The following LRRC4C variants were observed in gnomAD, a reference collection of about 807,000 sequenced individuals.
LRRC4C encodes the protein leucine rich repeat containing 4C.
LRRC4C carries 5 observed loss-of-function variants against 33.6 expected under a neutral mutation model. The observed-to-expected ratio is 0.15, with a 90% CI of 0.08 to 0.31. The LOEUF (loss-of-function observed/expected upper bound fraction) is 0.31. Ranked by LOEUF, LRRC4C falls within the 10% of genes least tolerant of loss-of-function variation. The pLI is 1.00. For missense variants in LRRC4C, 560 were observed against 796.7 expected (o/e 0.70, Z 3.58); for synonymous variants, 329 against 302.0 (o/e 1.09, Z -0.93).
chr11:40,871,824 G>A (rs1954665285), intron 2 of LRRC4C, among the ~76,000 whole-genome samples: 1 of 152,074 alleles, frequency 6.6e-6, no homozygotes, highest in African/African-American at 2.4e-5. Flanking sequence ...ACATGACCTG[G>A]GGATGGAGAA....
At chr11:40,316,993 AT>A (rs1234315443) in intron 4 of LRRC4C, among the ~76,000 whole-genome samples, 2 of 151,982 alleles carry the variant, frequency 1.3e-5, no homozygotes, top group African/African-American at 2.4e-5. Context: ...GAAAACTGGG[AT>A]TTACTCATTC....
chr11:40,236,543 TG>T (rs1865571707), intron 5 of LRRC4C, among the ~76,000 whole-genome samples: 1 of 152,140 alleles, frequency 6.6e-6, no homozygotes, highest in Admixed American at 6.6e-5. Context: ...CACAGTTAGG[TG>T]GGGCCAGATG....
At position 40,865,900 on chromosome 11, in the gene LRRC4C, G is replaced by A. The variant is rs113344665; in HGVS notation, c.-407+67735C>T. On this transcript the variant is annotated intron_variant, in intron 2 of 6. Transcript: ENST00000528697. Reference sequence around the variant, plus strand: ...TATTAATAACATAAGCACTTTTCCCGAAGAGTGAAAACTATGTTCAATATG... The same window carrying A: ...TATTAATAACATAAGCACTTTTCCCAAAGAGTGAAAACTATGTTCAATATG... Among the ~76,000 whole-genome samples the A allele has an allele frequency of 2.2e-3, 335 of 151,388 alleles. 3 individuals are homozygous for A. The highest frequency in any genetic ancestry group is 7.6e-3 in the African/African-American group (312 of 41,302).
chr11:40,159,790 T>C (rs183818846), intron 5 of LRRC4C, among the ~76,000 whole-genome samples: 1 of 152,274 alleles, frequency 6.6e-6, no homozygotes, highest in Admixed American at 6.5e-5. Flanking sequence ...GAAATTACAT[T>C]ATATGTTTAT....
At chr11:41,027,826 TGA>T (rs1018185664) in intron 1 of LRRC4C, among the ~76,000 whole-genome samples, 3 of 151,728 alleles carry the variant, frequency 2.0e-5, no homozygotes, top group African/African-American at 7.2e-5. Context: ...CAATTGCTCT[TGA>T]GAGAGAGTTC....
At chr11:41,183,388 G>A (rs1425608443) in intron 1 of LRRC4C, among the ~76,000 whole-genome samples, 1 of 152,096 alleles carries the variant, frequency 6.6e-6, no homozygotes, top group African/African-American at 2.4e-5. Context: ...GTGGGGCATT[G>A]GGTAAATACA....
At chr11:40,194,597 A>T (rs2135657117) in intron 5 of LRRC4C, among the ~76,000 whole-genome samples, 1 of 146,824 alleles carries the variant, frequency 6.8e-6, no homozygotes, top group Admixed American at 6.8e-5. Context: ...AGTGGGGGGA[A>T]CATCACACAC....
At chr11:40,740,937 T>C (rs1043506717) in intron 2 of LRRC4C, among the ~76,000 whole-genome samples, 4 of 152,070 alleles carry the variant, frequency 2.6e-5, no homozygotes, top group African/African-American at 7.2e-5. Context: ...ACTGTAAAAG[T>C]ATGGATTTAT....
chr11:40,474,131 G>A (rs1020444765), intron 3 of LRRC4C, among the ~76,000 whole-genome samples: 1 of 152,082 alleles, frequency 6.6e-6, no homozygotes, highest in Non-Finnish European at 1.5e-5. Context: ...ACCAAGAAGT[G>A]CCCATATAGC....
intron 3 of LRRC4C, among the ~76,000 whole-genome samples, chr11:40,436,449 T>A (rs1188707178): frequency 6.6e-6 from 1 of 152,108 alleles, no homozygotes; most frequent in Non-Finnish European, 1.5e-5. Flanking sequence ...AAAGGCAAAT[T>A]TCCTGGCCAG....
At chr11:40,911,104 G>T (rs1373915555) in intron 2 of LRRC4C, among the ~76,000 whole-genome samples, 1 of 152,200 alleles carries the variant, frequency 6.6e-6, no homozygotes, top group Non-Finnish European at 1.5e-5. Flanking sequence ...TGCCTCTGTA[G>T]ACTCCACCTC....
intron 3 of LRRC4C, among the ~76,000 whole-genome samples, chr11:40,612,423 G>C (rs1457624115): frequency 6.6e-6 from 1 of 151,822 alleles, no homozygotes; most frequent in Non-Finnish European, 1.5e-5. Context: ...AATGGGTACA[G>C]AATTTCAGTC....
At chr11:40,939,004 A>G (rs1372771793) in intron 1 of LRRC4C, among the ~76,000 whole-genome samples, 1 of 152,116 alleles carries the variant, frequency 6.6e-6, no homozygotes, top group African/African-American at 2.4e-5. Flanking sequence ...ATATAATTAT[A>G]AAATGTTATA....
intron 2 of LRRC4C, among the ~76,000 whole-genome samples, chr11:40,670,839 C>T (rs918016592): frequency 6.6e-6 from 1 of 152,200 alleles, no homozygotes; most frequent in African/African-American, 2.4e-5. Flanking sequence ...CCTCGGCTCA[C>T]TGCAAGCTCC....
chr11:40,264,834 C>T (rs905415186), intron 4 of LRRC4C, among the ~76,000 whole-genome samples: 4 of 152,170 alleles, frequency 2.6e-5, no homozygotes, highest in African/African-American at 9.7e-5. Flanking sequence ...CTCCAGTCTG[C>T]CCATCTCTTT....
At chr11:40,553,747 G>A (rs978226535) in intron 3 of LRRC4C, among the ~76,000 whole-genome samples, 2 of 152,026 alleles carry the variant, frequency 1.3e-5, no homozygotes, top group Non-Finnish European at 2.9e-5. Flanking sequence ...TTAAGTATCC[G>A]TTTATGTCCT....
chr11:40,451,260 T>G (rs1951869649), intron 3 of LRRC4C, among the ~76,000 whole-genome samples: 1 of 150,808 alleles, frequency 6.6e-6, no homozygotes, highest in South Asian at 2.1e-4. Context: ...AGAAAAAAAT[T>G]GATAAGCCTT....
In LRRC4C at chr11:40,303,359, C is replaced by T. The variant is rs145158244; in HGVS notation, c.-176+16269G>A. 1.4e-3 allele frequency among the ~76,000 whole-genome samples: 208 copies of T among 152,204 alleles called. 1 individual carries two copies. Among genetic ancestry groups the T allele is most frequent in the African/African-American group, 4.7e-3 (195 of 41,546 alleles). ...TTCTATTTGGAGGCCATGCATAACT[C>T]TCAATCAATATAATGAAGTACTCCC... is the stretch of plus-strand genomic sequence containing the variant. On this transcript the variant is annotated intron_variant, in intron 4 of 6. Transcript: ENST00000528697.
intron 2 of LRRC4C, among the ~76,000 whole-genome samples, chr11:40,922,538 T>C (rs1017159747): frequency 3.3e-5 from 5 of 152,164 alleles, no homozygotes; most frequent in African/African-American, 1.2e-4. Context: ...CTTGTCAAGA[T>C]CATTTTAATT....
Sources: allele counts gnomAD v4.1 joint callset (sites outside exome capture counted in the v4.1 genomes callset), GRCh38; gene constraint gnomAD v4.1.1; transcripts MANE v1.5; gene names NCBI Gene and HGNC (gene_info 2026-07-23, HGNC 2026-07-21).